The following C1orf94 variants were observed in gnomAD, a reference collection of about 807,000 sequenced individuals.
C1orf94 encodes the protein uncharacterized protein C1orf94.
Under a neutral mutation model 53.6 loss-of-function variants are expected in C1orf94, and 45 were observed. The observed-to-expected ratio is 0.84, with a 90% CI of 0.66 to 1.08. C1orf94 has a LOEUF of 1.08. Among genes scored for constraint, C1orf94 ranks in the 50% least tolerant of loss-of-function variants. C1orf94 has a pLI of 0.00. For missense variants in C1orf94, 762 were observed against 738.9 expected (o/e 1.03, Z -0.36); for synonymous variants, 304 against 296.1 (o/e 1.03, Z -0.27).
At chr1:34,218,617 T>C in intron 6 of C1orf94, 69 bp from the exon 7 acceptor site, 1 of 1,235,962 alleles carries the variant, frequency 8.1e-7, no homozygotes, top group Non-Finnish European at 1.2e-6. Flanking sequence ...AATTAATATA[T>C]ATATTTTTCT....
chr1:34,182,287 G>C (rs1642321762), intron 1 of C1orf94, among the ~76,000 whole-genome samples: 1 of 152,194 alleles, frequency 6.6e-6, no homozygotes, highest in Non-Finnish European at 1.5e-5. Flanking sequence ...AGGAGGGATG[G>C]GGACATGGCC....
chr1:34,193,146 G>A (rs908020622), intron 1 of C1orf94, among the ~76,000 whole-genome samples: 1 of 152,136 alleles, frequency 6.6e-6, no homozygotes, highest in African/African-American at 2.4e-5. Context: ...GGCGAATCTC[G>A]ATGGCAGCGA....
At chr1:34,213,612 C>T (rs548126145) in intron 6 of C1orf94, among the ~76,000 whole-genome samples, 5 of 152,196 alleles carry the variant, frequency 3.3e-5, no homozygotes, top group Middle Eastern at 3.4e-3. Context: ...GTGATCTCGG[C>T]TCACTGCAAT....
chr1:34,182,099 C>G (rs571741884), intron 1 of C1orf94, among the ~76,000 whole-genome samples: 49 of 152,186 alleles, frequency 3.2e-4, no homozygotes, highest in African/African-American at 1.2e-3. Flanking sequence ...GAGGGTGAAG[C>G]GAAAGGAACA....
intron 1 of C1orf94, among the ~76,000 whole-genome samples, chr1:34,182,643 A>T (rs549174816): frequency 1.3e-5 from 2 of 152,294 alleles, no homozygotes; most frequent in African/African-American, 4.8e-5. Flanking sequence ...CCTACTCATG[A>T]TTTGGGTACA....
chr1:34,217,396 T>C (rs931026891), intron 6 of C1orf94, among the ~76,000 whole-genome samples: 5 of 152,212 alleles, frequency 3.3e-5, no homozygotes, highest in Non-Finnish European at 7.3e-5. Flanking sequence ...AATACTGAAG[T>C]ATGGGTTACA....
intron 4 of C1orf94, among the ~76,000 whole-genome samples, chr1:34,203,166 C>T (rs1486839517): frequency 6.6e-6 from 1 of 152,116 alleles, no homozygotes; most frequent in Non-Finnish European, 1.5e-5. Context: ...GAGACAGAGT[C>T]TCACTCTATC....
chr1:34,210,323 G>A (rs1376609688), intron 5 of C1orf94, among the ~76,000 whole-genome samples: 1 of 152,200 alleles, frequency 6.6e-6, no homozygotes, highest in Non-Finnish European at 1.5e-5. Flanking sequence ...GGGATTTGGT[G>A]CCTGCGCCCA....
intron 1 of C1orf94, among the ~76,000 whole-genome samples, chr1:34,179,741 T>A (rs1195997264): frequency 1.3e-5 from 2 of 152,166 alleles, no homozygotes; most frequent in Non-Finnish European, 2.9e-5. Context: ...TTTGTTGTTG[T>A]TGTTGTTGTT....
chr1:34,188,613 C>A (rs944099616), intron 1 of C1orf94, among the ~76,000 whole-genome samples: 3 of 152,172 alleles, frequency 2.0e-5, no homozygotes, highest in Non-Finnish European at 4.4e-5. Flanking sequence ...GCTTGGCTCT[C>A]CCACACCAGG....
intron 6 of C1orf94, among the ~76,000 whole-genome samples, chr1:34,216,339 A>G (rs1459541127): frequency 6.6e-6 from 1 of 152,184 alleles, no homozygotes; most frequent in Non-Finnish European, 1.5e-5. Flanking sequence ...TCCAGCATGT[A>G]GAGGCTGCGG....
At chr1:34,190,446 C>T (rs1469799658) in intron 1 of C1orf94, among the ~76,000 whole-genome samples, 4 of 151,996 alleles carry the variant, frequency 2.6e-5, no homozygotes, top group Non-Finnish European at 5.9e-5. Context: ...ACATTATTCC[C>T]AATGATGCAC....
At chr1:34,207,817 C>G (rs536012987) in intron 4 of C1orf94, among the ~76,000 whole-genome samples, 1 of 152,296 alleles carries the variant, frequency 6.6e-6, no homozygotes, top group South Asian at 2.1e-4. Flanking sequence ...TGAGCACATG[C>G]AATTTTTTAG....
intron 4 of C1orf94, among the ~76,000 whole-genome samples, chr1:34,206,094 C>G (rs1430100119): frequency 6.6e-6 from 1 of 152,186 alleles, no homozygotes; most frequent in Admixed American, 6.5e-5. Flanking sequence ...CGGTGGGCAG[C>G]TGTTTGCCAT....
At chr1:34,214,518 G>A (rs1015673134) in intron 6 of C1orf94, among the ~76,000 whole-genome samples, 3 of 152,146 alleles carry the variant, frequency 2.0e-5, no homozygotes, top group Admixed American at 2.0e-4. Context: ...TGAGAATAGA[G>A]ACCCAGACAA....
chr1:34,208,122 T>C (rs781109634), intron 4 of C1orf94, 35 bp from the exon 5 acceptor site: 1 of 1,607,548 alleles, frequency 6.2e-7, no homozygotes, highest in Non-Finnish European at 8.5e-7. Context: ...AGGAAACCCC[T>C]TGCCTGGCCA....
chr1:34,205,984 T>G (rs1171732957), intron 4 of C1orf94, among the ~76,000 whole-genome samples: 1 of 152,208 alleles, frequency 6.6e-6, no homozygotes, highest in East Asian at 1.9e-4. Context: ...TGTTACAAAC[T>G]TGCAATTCTA....
At position 34,217,131 on chromosome 1, in the gene C1orf94, G is replaced by A. The variant is rs149982758; in HGVS notation, c.1722-1555G>A. Among the ~76,000 whole-genome samples, 1,210 of 152,154 alleles carry A rather than the reference G, an allele frequency of 8.0e-3. 10 individuals are homozygous for A. The highest frequency in any genetic ancestry group is 0.014 in the Non-Finnish European group (945 of 67,990). On this transcript the variant is annotated intron_variant, in intron 6 of 6. Coordinates refer to ENST00000488417, the MANE Select transcript of C1orf94 (RefSeq NM_001134734.2). ...TACCAGAAATACCAACATAGAGGCC[G>A]GCCCAGGCAAACCAGGACATATGTT...
rs1643035981 is a variant in C1orf94 at position 34,218,913 on chromosome 1, C to T, written c.*152C>T. The T allele has an allele frequency of 2.0e-6, 1 of 498,680 alleles. No individual in the cohort carries two copies. Among genetic ancestry groups the T allele is most frequent in the Admixed American group, 3.5e-5 (1 of 28,174 alleles). 30.9% of individuals were successfully genotyped at this position (498,680 alleles called of 1,614,324 possible). On this transcript the variant is annotated 3_prime_UTR_variant, in exon 7 of 7. Coordinates refer to ENST00000488417, the MANE Select transcript of C1orf94 (RefSeq NM_001134734.2). Reference sequence around the variant, plus strand: ...AGCAAGACCAGATTCATCTATTGGCCAACACTGACACAAAAATAGCCCTCC... The same window carrying T: ...AGCAAGACCAGATTCATCTATTGGCTAACACTGACACAAAAATAGCCCTCC...
Sources: gnomAD v4.1 joint callset for allele counts (sites outside exome capture counted in the v4.1 genomes callset) on GRCh38, gnomAD v4.1.1 for gene constraint, MANE v1.5 for transcripts, NCBI Gene and HGNC (gene_info 2026-07-23, HGNC 2026-07-21) for gene names.